CEBPZOS: variants seen among roughly 807,000 people sequenced by gnomAD.
The protein encoded by CEBPZOS is protein CEBPZOS.
CEBPZOS carries 10 observed loss-of-function variants against 4.8 expected under a neutral mutation model. That is an observed-to-expected ratio of 2.07 (90% CI 1.28 to 3.52). The LOEUF (loss-of-function observed/expected upper bound fraction) is 3.52, where lower values mean the gene tolerates loss of function less well. Ranked by LOEUF, CEBPZOS falls within the 30% of genes most tolerant of loss-of-function variation. The pLI is 0.00. For missense variants in CEBPZOS, 98 were observed against 43.6 expected (o/e 2.25, Z -3.51); for synonymous variants, 25 against 14.2 (o/e 1.77, Z -1.72).
chr2:37,214,994 C>A (rs1209337357), downstream of CEBPZOS: 3 of 1,247,586 alleles, frequency 2.4e-6, no homozygotes, highest in Non-Finnish European at 3.5e-6. Context: ...ATATAGCAAT[C>A]CCCTTTATGT....
chr2:37,210,748 G>C (rs1466265733), intron 4 of CEBPZOS: 1 of 377,708 alleles, frequency 2.6e-6, no homozygotes, highest in Admixed American at 4.4e-5. Flanking sequence ...CACCCTACCT[G>C]TTCCCCAAAA....
intron 4 of CEBPZOS, chr2:37,212,236 A>C (rs1677743609): frequency 8.7e-7 from 1 of 1,148,310 alleles, no homozygotes; most frequent in Non-Finnish European, 1.3e-6. Flanking sequence ...ACTTGACTAC[A>C]TTTCCCCTTT....
At chr2:37,211,853 C>T (rs1285034709) in intron 4 of CEBPZOS, 4 of 1,599,050 alleles carry the variant, frequency 2.5e-6, no homozygotes, top group Non-Finnish European at 3.4e-6. Flanking sequence ...CTGGAACGCT[C>T]TCACTTTCAT....
intron 3 of CEBPZOS, 145 bp from the exon 4 acceptor site, chr2:37,201,497 T>C (rs1037205849): frequency 1.7e-6 from 1 of 591,846 alleles, no homozygotes; most frequent in Non-Finnish European, 3.0e-6. Flanking sequence ...ATGCCAGGAC[T>C]TATATGTGAA....
At chr2:37,210,693 A>T in intron 4 of CEBPZOS, 1 of 247,658 alleles carries the variant, frequency 4.0e-6, no homozygotes. Context: ...TGGGTGCACC[A>T]AAATCTCAGA....
chr2:37,206,312 C>A (rs1677538375), downstream of CEBPZOS, among the ~76,000 whole-genome samples: 1 of 152,248 alleles, frequency 6.6e-6, no homozygotes, highest in South Asian at 2.1e-4. Flanking sequence ...TTCACCACTA[C>A]CAAGCCAGCA....
Position 37,203,898 on chromosome 2 carries a change from A to G in CEBPZOS, c.*2038A>G, listed in dbSNP as rs1677411203. 1 of 152,220 alleles carries G rather than the reference A, an allele frequency of 6.6e-6. No homozygotes were observed. The highest frequency in any genetic ancestry group is 1.5e-5 in the Non-Finnish European group (1 of 68,036). 9.4% of individuals were successfully genotyped at this position (152,220 alleles called of 1,614,324 possible). On this transcript the variant is annotated 3_prime_UTR_variant, in exon 5 of 5. Coordinates refer to ENST00000402297, the MANE Select transcript of CEBPZOS (RefSeq NM_001322374.2). ...CATGCCATGTTGTGGGCTACATAAT[A>G]TTCCATTGTATGGATATACCACATT...
downstream of CEBPZOS, among the ~76,000 whole-genome samples, chr2:37,215,851 A>T (rs992261116): frequency 1.3e-5 from 2 of 152,058 alleles, no homozygotes; most frequent in African/African-American, 4.8e-5. Flanking sequence ...CGGATGATAA[A>T]ATGGTGACAA....
chr2:37,205,956 G>T (rs1165790912), downstream of CEBPZOS, among the ~76,000 whole-genome samples: 1 of 152,170 alleles, frequency 6.6e-6, no homozygotes, highest in Admixed American at 6.5e-5. Context: ...GTTGAGAAAA[G>T]AAAAAGATAA....
At chr2:37,198,601 T>C (rs1325655207) in intron 1 of CEBPZOS, 3 of 152,156 alleles carry the variant, frequency 2.0e-5, no homozygotes, top group Non-Finnish European at 2.9e-5. Flanking sequence ...GAAAAACAAG[T>C]GGTTCTCCTC....
chr2:37,207,598 G>C (rs555203888), downstream of CEBPZOS, among the ~76,000 whole-genome samples: 2 of 145,588 alleles, frequency 1.4e-5, no homozygotes, highest in East Asian at 3.9e-4. Context: ...AAAATTTTTT[G>C]AACTGAACAA....
chr2:37,214,780 TAGTAGATTATTGA>T (rs1677828293), downstream of CEBPZOS: 5 of 694,518 alleles, frequency 7.2e-6, no homozygotes, highest in Non-Finnish European at 1.3e-5. Context: ...TTACACACAG[TAGTAGATTATTGA>T]AGTAGATTAT....
intron 4 of CEBPZOS, among the ~76,000 whole-genome samples, chr2:37,212,897 G>T (rs1247384169): frequency 4.0e-5 from 6 of 150,086 alleles, no homozygotes; most frequent in African/African-American, 1.5e-4. Flanking sequence ...AAACGAGCCG[G>T]ACATCATGGC....
At chr2:37,210,829 GA>G in intron 4 of CEBPZOS, 1 of 487,328 alleles carries the variant, frequency 2.1e-6, no homozygotes, top group South Asian at 3.6e-5. Flanking sequence ...CTGAATGCGA[GA>G]AACAATTCAA....
downstream of CEBPZOS, among the ~76,000 whole-genome samples, chr2:37,206,975 G>T (rs1677560295): frequency 6.6e-6 from 1 of 152,016 alleles, no homozygotes; most frequent in Non-Finnish European, 1.5e-5. Context: ...CCATGCAAAT[G>T]GAAACCAAAA....
chr2:37,206,234 T>C (rs371537840), downstream of CEBPZOS, among the ~76,000 whole-genome samples: 37 of 152,362 alleles, frequency 2.4e-4, no homozygotes, highest in African/African-American at 8.2e-4. Flanking sequence ...GCAACGTGTT[T>C]AGTCTCCTTA....
chr2:37,209,122 A>G (rs565999301), downstream of CEBPZOS: 37 of 152,244 alleles, frequency 2.4e-4, no homozygotes, highest in African/African-American at 8.9e-4. Context: ...GGAAAACTAC[A>G]AAACACTGCT....
In CEBPZOS at chr2:37,202,623, C is replaced by A. The variant is rs1267794691; in HGVS notation, c.*763C>A. Reference sequence around the variant, plus strand: ...TCATGCCACTGCATTCCAACCTGGGCAAGGGAGTGAGACGCTGTCTCAAAA... The same window carrying A: ...TCATGCCACTGCATTCCAACCTGGGAAAGGGAGTGAGACGCTGTCTCAAAA... On this transcript the variant is annotated 3_prime_UTR_variant, in exon 5 of 5. Transcript: ENST00000402297. The A allele has an allele frequency of 1.6e-5, 6 of 382,034 alleles. No individual in the cohort carries two copies. Among genetic ancestry groups the A allele is most frequent in the African/African-American group, 3.2e-5 (1 of 31,122 alleles). 23.7% of individuals were successfully genotyped at this position (382,034 alleles called of 1,614,324 possible). A position where few individuals can be genotyped will look rare whatever the true frequency, so the allele number is the denominator to read the frequency against.
At chr2:37,210,900 A>T (rs1677700773) in intron 4 of CEBPZOS, 1 of 593,610 alleles carries the variant, frequency 1.7e-6, no homozygotes, top group African/African-American at 2.0e-5. Flanking sequence ...CCACCCCTGA[A>T]TTTTATTAAT....
Sources: gnomAD v4.1 joint callset for allele counts (sites outside exome capture counted in the v4.1 genomes callset) on GRCh38, gnomAD v4.1.1 for gene constraint, MANE v1.5 for transcripts, NCBI Gene and HGNC (gene_info 2026-07-23, HGNC 2026-07-21) for gene names.